The following MOCS1 variants were observed in gnomAD, a reference collection of about 807,000 sequenced individuals.
MOCS1 encodes molybdenum cofactor biosynthesis protein 1.
Under a neutral mutation model 57.6 loss-of-function variants are expected in MOCS1, and 39 were observed. The observed-to-expected ratio is 0.68, with a 90% confidence interval of 0.52 to 0.88. MOCS1 has a LOEUF of 0.88. Ranked by LOEUF, MOCS1 falls within the 40% of genes least tolerant of loss-of-function variation. MOCS1 has a pLI of 0.00. For synonymous variants in MOCS1, 334 were observed against 335.7 expected (o/e 1.00, Z 0.05); for missense variants, 795 against 831.1 (o/e 0.96, Z 0.53).
At chr6:39,913,047 C>T in intron 6 of MOCS1, 43 bp from the exon 7 acceptor site, 1 of 1,558,900 alleles carries the variant, frequency 6.4e-7, no homozygotes, top group Non-Finnish European at 8.8e-7. Flanking sequence ...TTCTGAATCA[C>T]AGTTGAAGGG....
chr6:39,906,476 C>T lies in MOCS1; in HGVS notation c.1792G>A (p.Ala598Thr). Residue 598 changes from alanine to threonine, a missense_variant, in exon 11 of 11, where the codon GCA (alanine) becomes ACA (threonine). Transcript: ENST00000340692. ...TCATACAGGGTGAGGGCGGCCACTG[C>T]AGCAGAGGTCAGGGCCTCCATCTCC... is the stretch of plus-strand genomic sequence containing the variant. ...GVEMEALTSA[A>T]VAALTLYDMC... 1 of 1,614,118 alleles carries T rather than the reference C, an allele frequency of 6.2e-7. No individual in the cohort carries two copies. Among genetic ancestry groups the T allele is most frequent in the Non-Finnish European group, 8.5e-7 (1 of 1,180,010 alleles).
intron 1 of MOCS1, 59 bp from the exon 2 acceptor site, chr6:39,927,514 C>T (rs1261340009): frequency 6.2e-7 from 1 of 1,610,618 alleles, no homozygotes; most frequent in East Asian, 2.2e-5. Context: ...GGAAGAGGCA[C>T]AAGGAGAACC....
chr6:39,933,625 T>TG (rs1768755339), intron 1 of MOCS1, among the ~76,000 whole-genome samples: 2 of 152,142 alleles, frequency 1.3e-5, no homozygotes, highest in Admixed American at 1.3e-4. Flanking sequence ...AACCTAAAAC[T>TG]TTTAATGACT....
At chr6:39,910,102 C>A in intron 8 of MOCS1, 147 bp from the exon 9 acceptor site, 1 of 1,240,814 alleles carries the variant, frequency 8.1e-7, no homozygotes, top group Admixed American at 1.9e-5. Context: ...CAGTGAGAGA[C>A]AGAGGTGCTG....
chr6:39,923,332 C>T (rs1297839496), intron 3 of MOCS1, among the ~76,000 whole-genome samples: 3 of 152,234 alleles, frequency 2.0e-5, no homozygotes, highest in Admixed American at 2.0e-4. Context: ...AAGGAACCTG[C>T]ACAAGTTCAC....
At chr6:39,931,116 A>C (rs1313508169) in intron 1 of MOCS1, among the ~76,000 whole-genome samples, 1 of 152,150 alleles carries the variant, frequency 6.6e-6, no homozygotes, top group Non-Finnish European at 1.5e-5. Flanking sequence ...GAGCATCCCC[A>C]GGACCACCAA....
intron 8 of MOCS1, 140 bp from the exon 9 acceptor site, chr6:39,910,095 T>C: frequency 7.7e-7 from 1 of 1,297,756 alleles, no homozygotes; most frequent in African/African-American, 1.5e-5. Context: ...CCCCTAGCAG[T>C]GAGAGACAGA....
chr6:39,904,548 C>T lies in MOCS1; in HGVS notation c.*1809G>A, dbSNP rs1311431387. Reference sequence around the variant, plus strand: ...TTCGTCATCAACCTAACAAACACAACCTTCTCAGCAGCATTTCTCCCCTGT... The same window carrying T: ...TTCGTCATCAACCTAACAAACACAATCTTCTCAGCAGCATTTCTCCCCTGT... On this transcript the variant is annotated 3_prime_UTR_variant, in exon 11 of 11. Coordinates refer to ENST00000340692, the MANE Select transcript of MOCS1 (RefSeq NM_001358530.2). The T allele has an allele frequency of 2.2e-6, 1 of 454,030 alleles. No individual in the cohort carries two copies. The highest frequency in any genetic ancestry group is 4.4e-6 in the Non-Finnish European group (1 of 226,966). The allele number at this position is 454,030 out of a possible 1,614,324, so 28.1% of individuals were successfully genotyped here.
rs143898126 is a variant in MOCS1, at chr6:39,906,497, T to C, written c.1771A>G (p.Met591Val). 3 of 1,613,970 alleles carry C rather than the reference T, an allele frequency of 1.9e-6. No individual in the cohort carries two copies. In the African/African-American group the frequency reaches 4.0e-5, roughly 22 times the overall value. ...ACTGCAGCAGAGGTCAGGGCCTCCA[T>C]CTCCACCCCGGTGGGGCCCCGAGCC... Reference protein sequence around the residue: ...CRARGPTGVEMEALTSAAVAA... With the variant: ...CRARGPTGVEVEALTSAAVAA... The change falls in exon 11 of 11, where the codon ATG becomes GTG. Residue 591 changes from methionine to valine, a missense_variant. Met to Val is a conservative substitution (Grantham distance 21, BLOSUM62 1). Transcript: ENST00000340692.
intron 4 of MOCS1, among the ~76,000 whole-genome samples, 158 bp downstream of exon 4, chr6:39,915,910 A>C (rs1183416724): frequency 6.6e-6 from 1 of 152,078 alleles, no homozygotes; most frequent in East Asian, 1.9e-4. Flanking sequence ...CCTGACATAC[A>C]TTTGGCAAAG....
rs548951761 is a variant in MOCS1 at position 39,926,997 on chromosome 6, G to A, written c.250+332C>T. Among the ~76,000 whole-genome samples, 3 of 151,722 alleles carry A rather than the reference G, an allele frequency of 2.0e-5. No individual in the cohort carries two copies. The South Asian group carries it at 6.3e-4, about 32-fold the overall frequency. ...TATAATGTCCACCACCCCACCCCTG[G>A]CCATGTCCTGGACTTCGGGAACTAC... On this transcript the variant is annotated intron_variant, in intron 2 of 10. Coordinates refer to ENST00000340692, the MANE Select transcript of MOCS1 (RefSeq NM_001358530.2).
chr6:39,923,402 CCT>C (rs1768086520), intron 3 of MOCS1, among the ~76,000 whole-genome samples: 1 of 152,256 alleles, frequency 6.6e-6, no homozygotes, highest in Admixed American at 6.5e-5. Flanking sequence ...CCCATTCTTC[CCT>C]CTCTGCATGC....
At position 39,904,263 on chromosome 6, in the gene MOCS1, C is replaced by G. The variant is rs1001853641; in HGVS notation, c.*2094G>C. 9 of 456,642 alleles carry G rather than the reference C, an allele frequency of 2.0e-5. No individual in the cohort carries two copies. The highest frequency in any genetic ancestry group is 1.6e-4 in the African/African-American group (8 of 50,086). 28.3% of individuals were successfully genotyped at this position (456,642 alleles called of 1,614,324 possible). ...TGTTCCAGAGCTCAGCCTTCTCACT[C>G]TAAAAGAAAGATATTTTTCTATTTA... On this transcript the variant is annotated 3_prime_UTR_variant, in exon 11 of 11. Transcript: ENST00000340692.
intron 4 of MOCS1, among the ~76,000 whole-genome samples, chr6:39,915,277 A>G (rs1314779852): frequency 6.6e-6 from 1 of 152,142 alleles, no homozygotes; most frequent in African/African-American, 2.4e-5. Flanking sequence ...GGTATTAAGC[A>G]AGGCATCACA....
chr6:39,914,575 G>A (rs1412509232), intron 4 of MOCS1, among the ~76,000 whole-genome samples: 4 of 152,118 alleles, frequency 2.6e-5, no homozygotes, highest in Non-Finnish European at 4.4e-5. Context: ...CCAATCACTT[G>A]ATCACCTACT....
At chr6:39,930,172 T>C (rs1198826886) in intron 1 of MOCS1, among the ~76,000 whole-genome samples, 1 of 152,126 alleles carries the variant, frequency 6.6e-6, no homozygotes, top group Non-Finnish European at 1.5e-5. Flanking sequence ...CCTCTAACAC[T>C]GCATGCCCTA....
chr6:39,906,877 G>GA lies in MOCS1; in HGVS notation c.1390_1391insT (p.Pro464LeufsTer143). 1 of 1,614,190 alleles carries GA rather than the reference G, an allele frequency of 6.2e-7. No individual in the cohort carries two copies. Among genetic ancestry groups the GA allele is most frequent in the Non-Finnish European group, 8.5e-7 (1 of 1,180,048 alleles). On this transcript the variant is annotated frameshift_variant, in exon 11 of 11. Transcript: ENST00000340692. LOFTEE classifies it high-confidence loss of function. ...GGGGGCAGCAGAAGCCCAGGAACCT[G>GA]GGCTAAGGCACTTTGAGTTGGCATC...
Position 39,906,750 on chromosome 6 carries a change from A to G in MOCS1, c.1518T>C (p.Ala506=). The G allele has an allele frequency of 6.2e-7, 1 of 1,614,214 alleles. No homozygotes were observed. The highest frequency in any genetic ancestry group is 8.5e-7 in the Non-Finnish European group (1 of 1,180,034). ...VGRKPDTERV[A]VASAVVLLGP... The stretch of plus-strand genomic sequence containing the variant: ...CCAGGAGGACCACGGCTGAAGCCAC[A>G]GCCACCCGCTCTGTGTCTGGCTTCC... The change falls in exon 11 of 11, where the codon GCT becomes GCC. Residue 506 remains alanine, a synonymous_variant. Coordinates refer to ENST00000340692, the MANE Select transcript of MOCS1 (RefSeq NM_001358530.2).
rs761992010 is a variant in MOCS1, at chr6:39,907,061, C to T, written c.1207G>A (p.Asp403Asn). 5 of 1,613,494 alleles carry T rather than the reference C, an allele frequency of 3.1e-6. No homozygotes were observed. The highest frequency in any genetic ancestry group is 2.2e-5 in the South Asian group (2 of 91,038). The stretch of plus-strand genomic sequence containing the variant: ...CTTAGACCCTGAACATGGAGCGGGT[C>T]CCAGGAGAAAATGCTTGGATTGGCT... Reference protein sequence around the residue: ...PPANPSIFSWDPLHVQGLRPR... With the variant: ...PPANPSIFSWNPLHVQGLRPR... Residue 403 changes from aspartate (D) to asparagine (N), a missense_variant, in exon 11 of 11, where the codon GAC becomes AAC. Physicochemically the swap from Asp to Asn is conservative, Grantham distance 23 (BLOSUM62 1). Transcript: ENST00000340692.
Sources: allele counts gnomAD v4.1 joint callset (sites outside exome capture counted in the v4.1 genomes callset), GRCh38; gene constraint gnomAD v4.1.1; transcripts MANE v1.5; gene names NCBI Gene and HGNC (gene_info 2026-07-23, HGNC 2026-07-21).